The following MMP9 variants were observed in gnomAD, a reference collection of about 807,000 sequenced individuals.
MMP9 encodes matrix metallopeptidase 9.
Under a neutral mutation model 76.4 loss-of-function variants are expected in MMP9, and 73 were observed. That is an observed-to-expected ratio of 0.96 (90% CI 0.79 to 1.16). MMP9 has a LOEUF of 1.16. MMP9 is among the 50% of genes most tolerant of loss of function. The pLI is 0.00. For synonymous variants in MMP9, 412 were observed against 408.4 expected, an observed-to-expected ratio of 1.01 and a Z score of -0.11; for missense variants, 943 against 973.0, an observed-to-expected ratio of 0.97 and a Z score of 0.41.
rs994611964 is a variant in MMP9 at position 46,009,715 on chromosome 20, G to A, written c.139-151G>A. On this transcript the variant is annotated intron_variant, in intron 1 of 12. Coordinates refer to ENST00000372330, the MANE Select transcript of MMP9 (RefSeq NM_004994.3). ...AGATGGGAGGATCGCTTGAGTCCAG[G>A]AGGTCCAGGCTGCAGTGGGCTGATA... 6 of 707,494 alleles carry A rather than the reference G, an allele frequency of 8.5e-6. No individual in the cohort carries two copies. The African/African-American group carries it at 8.9e-5, about 10-fold the overall frequency. The allele number at this position is 707,494 out of a possible 1,614,324, so 43.8% of individuals were successfully genotyped here.
rs781491436 is a variant in MMP9, at chr20:46,011,565, T to G, written c.824-9T>G. ...CTTCTCCCCCTTTCCCACATCCTCC[T>G]CGCCCCAGGACTCTACACCCAGGAC... On this transcript the variant is annotated splice_polypyrimidine_tract_variant and intron_variant, in intron 5 of 12. Transcript: ENST00000372330. 21 of 1,613,838 alleles carry G rather than the reference T, an allele frequency of 1.3e-5. No homozygotes were observed. Among genetic ancestry groups the G allele is most frequent in the Non-Finnish European group, 1.7e-5 (20 of 1,179,950 alleles).
rs2084294048 is a variant in MMP9 at position 46,013,038 on chromosome 20, CTA to C, written c.1331-215_1331-214del. 1.3e-5 allele frequency among the ~76,000 whole-genome samples: 2 copies of C among 152,170 alleles called. No individual in the cohort carries two copies. The highest frequency in any genetic ancestry group is 4.8e-5 in the African/African-American group (2 of 41,426). ...CCCAGGAGTTCGAGGCTGTAGTGAGCTATGATTGCACCACTGCATTCCATCCT... is the reference window on the plus strand; with the variant it reads ...CCCAGGAGTTCGAGGCTGTAGTGAGCTGATTGCACCACTGCATTCCATCCT... On this transcript the variant is annotated intron_variant, in intron 8 of 12. Transcript: ENST00000372330. The surrounding 1 kb of genome is among the most constrained non-coding windows in gnomAD (Gnocchi z 4.5).
Position 46,013,368 on chromosome 20 carries a change from A to ACAGCTGGCCCCACAGGTCCCCCCT in MMP9, c.1468_1491dup (p.Ser490_Pro497dup), listed in dbSNP as rs761086664. On this transcript the variant is annotated inframe_insertion, in exon 9 of 13. Coordinates refer to ENST00000372330, the MANE Select transcript of MMP9 (RefSeq NM_004994.3). The surrounding 1 kb of genome is among the most constrained non-coding windows in gnomAD (Gnocchi z 4.5). ...CACTGTCCACCCCTCAGAGCGCCCC[A>ACAGCTGGCCCCACAGGTCCCCCCT]CAGCTGGCCCCACAGGTCCCCCCTC... 263 of 1,575,162 alleles carry ACAGCTGGCCCCACAGGTCCCCCCT rather than the reference A, an allele frequency of 1.7e-4. No individual in the cohort carries two copies. The African/African-American group carries it at 3.5e-3, about 21-fold the overall frequency.
chr20:46,011,412 C>T, intron 5 of MMP9, 96 bp downstream of exon 5: 1 of 1,567,438 alleles, frequency 6.4e-7, no homozygotes, highest in South Asian at 1.1e-5. Flanking sequence ...GTGTGGCCTG[C>T]AATTCACCCT....
chr20:46,013,815 C>A lies in MMP9; in HGVS notation c.1750+19C>A, dbSNP rs1349870907. The A allele has an allele frequency of 6.2e-7, 1 of 1,611,492 alleles. No individual in the cohort carries two copies. The highest frequency in any genetic ancestry group is 1.3e-5 in the African/African-American group (1 of 74,872). ...TTCTCTGGTTAGTTACCTACTTTCC[C>A]TCCCCCGCCCGGTCAATCCCCATCA... On this transcript the variant is annotated intron_variant, in intron 10 of 12. Transcript: ENST00000372330. The surrounding 1 kb of genome is among the most constrained non-coding windows in gnomAD (Gnocchi z 4.5).
Position 46,011,758 on chromosome 20 carries a change from CCTGT to C in MMP9, c.997+14_997+17del. On this transcript the variant is annotated intron_variant, in intron 6 of 12. Transcript: ENST00000372330. ...TCTGCCCGACCCGAGGTACCTCCAC[CCTGT>C]CTACCAGGTTCAGCCCCGCCCTCTC... is the stretch of plus-strand genomic sequence containing the variant. The C allele has an allele frequency of 6.2e-7, 1 of 1,607,438 alleles. No individual in the cohort carries two copies. The highest frequency in any genetic ancestry group is 8.5e-7 in the Non-Finnish European group (1 of 1,178,992).
chr20:46,009,199 T>G, intron 1 of MMP9, 135 bp downstream of exon 1: 2 of 1,029,796 alleles, frequency 1.9e-6, no homozygotes, highest in Non-Finnish European at 1.5e-6. Flanking sequence ...AGAACAGAGG[T>G]GTCCAGGGTT....
In MMP9 at chr20:46,016,537, A is replaced by G. The variant is rs199754373; in HGVS notation, c.*169A>G. Reference sequence around the variant, plus strand: ...TTTGTTTTTTGTTGGAGTGTTTCTAATAAACTTGGATTCTCTAACCTTTAG... The same window carrying G: ...TTTGTTTTTTGTTGGAGTGTTTCTAGTAAACTTGGATTCTCTAACCTTTAG... On this transcript the variant is annotated 3_prime_UTR_variant, in exon 13 of 13. Coordinates refer to ENST00000372330, the MANE Select transcript of MMP9 (RefSeq NM_004994.3). 84 of 663,014 alleles carry G rather than the reference A, an allele frequency of 1.3e-4. No individual in the cohort carries two copies. Among genetic ancestry groups the G allele is most frequent in the African/African-American group, 1.2e-3 (66 of 55,760 alleles). 41.1% of individuals were successfully genotyped at this position (663,014 alleles called of 1,614,324 possible). A position where few individuals can be genotyped will look rare whatever the true frequency, so the allele number is the denominator to read the frequency against.
intron 2 of MMP9, 94 bp from the exon 3 acceptor site, chr20:46,010,389 T>C: frequency 7.7e-7 from 1 of 1,300,650 alleles, no homozygotes; most frequent in Non-Finnish European, 1.1e-6. Flanking sequence ...CAGAGAGCAT[T>C]GTGTATGTTG....
At chr20:46,011,776 C>G (rs201202805) in intron 6 of MMP9, 29 bp downstream of exon 6, 1 of 1,595,348 alleles carries the variant, frequency 6.3e-7, no homozygotes, top group Non-Finnish European at 8.5e-7. Flanking sequence ...CCAGGTTCAG[C>G]CCCGCCCTCT....
At position 46,010,957 on chromosome 20, in the gene MMP9, G is replaced by A. The variant is rs751770581; in HGVS notation, c.556G>A (p.Gly186Arg). Residue 186 changes from glycine to arginine, a missense_variant, in exon 4 of 13, where the codon GGG becomes AGG. By Grantham distance (125) the Gly-to-Arg change is moderately radical. Coordinates refer to ENST00000372330, the MANE Select transcript of MMP9 (RefSeq NM_004994.3). ...GDGYPFDGKD[G>R]LLAHAFPPGP... ...CGGGTATCCCTTCGACGGGAAGGAC[G>A]GGCTCCTGGCACACGCCTTTCCTCC... 1.2e-6 allele frequency: 2 copies of A among 1,614,220 alleles called. No homozygotes were observed. The highest frequency in any genetic ancestry group is 2.2e-5 in the East Asian group (1 of 44,880).
intron 2 of MMP9, 151 bp from the exon 3 acceptor site, chr20:46,010,332 A>ACAAACAAACAAC: frequency 3.9e-6 from 3 of 772,996 alleles, no homozygotes; most frequent in Non-Finnish European, 6.1e-6. Context: ...AAAAAAAAAA[A>ACAAACAAACAAC]AAAAAAAAAC....
Position 46,013,322 on chromosome 20 carries a change from G to A in MMP9, c.1398G>A (p.Thr466=). 6.2e-7 allele frequency: 1 copy of A among 1,613,246 alleles called. No homozygotes were observed. The highest frequency in any genetic ancestry group is 1.1e-5 in the South Asian group (1 of 90,994). The change falls in exon 9 of 13, where the codon ACG becomes ACA. Residue 466 remains threonine, a synonymous_variant. Coordinates refer to ENST00000372330, the MANE Select transcript of MMP9 (RefSeq NM_004994.3). This position sits in a 1 kb window ranked among gnomAD's most constrained non-coding sequence, Gnocchi z 4.5. ...TTTPQPTAPP[T]VCPTGPPTVH... ...CACCGCAGCCCACGGCTCCCCCGACGGTCTGCCCCACCGGACCCCCCACTG... is the reference window on the plus strand; with the variant it reads ...CACCGCAGCCCACGGCTCCCCCGACAGTCTGCCCCACCGGACCCCCCACTG...
rs2145450186 is a variant in MMP9 at position 46,009,077 on chromosome 20, C to G, written c.138+13C>G. 3 of 1,612,876 alleles carry G rather than the reference C, an allele frequency of 1.9e-6. No individual in the cohort carries two copies. The highest frequency in any genetic ancestry group is 1.3e-5 in the African/African-American group (1 of 74,968). ...GCAGCTGGCAGAGGTGGGCAAACAC[C>G]TAGTCTAGAGTTGGGGAGGGCTGTC... On this transcript the variant is annotated intron_variant, in intron 1 of 12. Transcript: ENST00000372330.
chr20:46,013,096 AAG>A lies in MMP9; in HGVS notation c.1331-157_1331-156del, dbSNP rs2084294682. ...ATAGAGGATGTCGCTTAAAACGAAA[AAG>A]AAGAAGAAGAAAGTCCTGTGGTTTG... On this transcript the variant is annotated intron_variant, in intron 8 of 12. Transcript: ENST00000372330. This position sits in a 1 kb window ranked among gnomAD's most constrained non-coding sequence, Gnocchi z 4.5. 2.7e-5 allele frequency among the ~76,000 whole-genome samples: 4 copies of A among 145,578 alleles called. No homozygotes were observed. The highest frequency in any genetic ancestry group is 3.0e-4 in the East Asian group (1 of 3,286).
chr20:46,013,364 C>T lies in MMP9; in HGVS notation c.1440C>T (p.Arg480=). The change falls in exon 9 of 13, where the codon CGC becomes CGT. Residue 480 remains arginine (R), a synonymous_variant. Transcript: ENST00000372330. The surrounding 1 kb of genome is among the most constrained non-coding windows in gnomAD (Gnocchi z 4.5). ...TGPPTVHPSE[R]PTAGPTGPPS... The stretch of plus-strand genomic sequence containing the variant: ...CCCCCACTGTCCACCCCTCAGAGCG[C>T]CCCACAGCTGGCCCCACAGGTCCCC... 1.2e-6 allele frequency: 2 copies of T among 1,613,230 alleles called. No homozygotes were observed. The highest frequency in any genetic ancestry group is 1.1e-5 in the South Asian group (1 of 91,042).
chr20:46,009,180 C>A, intron 1 of MMP9, 116 bp downstream of exon 1: 3 of 1,176,824 alleles, frequency 2.5e-6, no homozygotes, highest in Non-Finnish European at 3.7e-6. Flanking sequence ...TGGTGATGGG[C>A]GTATCTGAAG....
At position 46,013,240 on chromosome 20, in the gene MMP9, C is replaced by G; in HGVS notation, c.1331-15C>G. The stretch of plus-strand genomic sequence containing the variant: ...TGCAGGAATAGGAAGAGTCTCACCC[C>G]GTGTCTCTTTTTAGGTCCTCGCCCT... On this transcript the variant is annotated splice_polypyrimidine_tract_variant and intron_variant, in intron 8 of 12. Coordinates refer to ENST00000372330, the MANE Select transcript of MMP9 (RefSeq NM_004994.3). This position sits in a 1 kb window ranked among gnomAD's most constrained non-coding sequence, Gnocchi z 4.5. 1 of 1,613,996 alleles carries G rather than the reference C, an allele frequency of 6.2e-7. No homozygotes were observed. Among genetic ancestry groups the G allele is most frequent in the Non-Finnish European group, 8.5e-7 (1 of 1,179,936 alleles).
Position 46,009,894 on chromosome 20 carries a change from G to C in MMP9, c.167G>C (p.Arg56Pro). ...TACCTGTACCGCTATGGTTACACTC[G>C]GGTGGCAGAGATGCGTGGAGAGTCG... ...EEYLYRYGYT[R>P]VAEMRGESKS... Residue 56 changes from arginine to proline, a missense_variant, in exon 2 of 13, where the codon CGG becomes CCG. By Grantham distance (103) the Arg-to-Pro change is moderately radical (BLOSUM62 -2). Coordinates refer to ENST00000372330, the MANE Select transcript of MMP9 (RefSeq NM_004994.3). The C allele has an allele frequency of 1.9e-6, 3 of 1,552,082 alleles. No individual in the cohort carries two copies. Among genetic ancestry groups the C allele is most frequent in the South Asian group, 1.2e-5 (1 of 84,090 alleles).
Sources: gnomAD v4.1 joint callset for allele counts (sites outside exome capture counted in the v4.1 genomes callset) on GRCh38, gnomAD v4.1.1 for gene constraint, Gnocchi (gnomAD v3.1) non-coding constraint, MANE v1.5 for transcripts, NCBI Gene and HGNC (gene_info 2026-07-23, HGNC 2026-07-21) for gene names.